Variants in RBFOX1 observed in about 807,000 individuals in gnomAD.
RBFOX1 encodes the protein RNA binding protein fox-1 homolog 1.
RBFOX1 carries 8 observed loss-of-function variants against 57.7 expected under a neutral mutation model. The ratio of observed to expected loss-of-function variants is 0.14; its 90% CI spans 0.08 to 0.25. The LOEUF is 0.25. Among genes scored for constraint, RBFOX1 ranks in the 10% least tolerant of loss-of-function variants. The probability of loss-of-function intolerance (pLI) is 1.00; values close to 1 mark genes in which losing one functional copy is unlikely to be tolerated. For synonymous variants in RBFOX1, 326 were observed against 222.4 expected (o/e 1.47, Z -4.15); for missense variants, 611 against 548.5 (o/e 1.11, Z -1.14).
chr16:6,553,020 C>T (rs8044082), intron 2 of RBFOX1, among the ~76,000 whole-genome samples: 60,849 of 151,894 alleles, frequency 0.4, 12,599 homozygotes, highest in East Asian at 0.73. Context: ...TGAGGACTGG[C>T]TTTTATTATT....
At chr16:6,349,661 C>G (rs1212814611) in intron 2 of RBFOX1, among the ~76,000 whole-genome samples, 1 of 152,148 alleles carries the variant, frequency 6.6e-6, no homozygotes, top group Non-Finnish European at 1.5e-5. Context: ...ATCTTCATCT[C>G]TAGAGAGCAA....
In RBFOX1 at chr16:7,373,824, G is replaced by C. The variant is rs74010680; in HGVS notation, c.28-144323G>C. Among the ~76,000 whole-genome samples, 3 of 152,302 alleles carry C rather than the reference G, an allele frequency of 2.0e-5. No individual in the cohort carries two copies. In the East Asian group the frequency reaches 5.8e-4, roughly 29 times the overall value. ...TTCACAGAGCAACTTTTTTCAAGAA[G>C]ATGGACACATTCACGTTTTAAAGAT... On this transcript the variant is annotated intron_variant, in intron 4 of 15. Transcript: ENST00000550418.
intron 3 of RBFOX1, among the ~76,000 whole-genome samples, chr16:6,832,847 A>G (rs1172571659): frequency 6.6e-6 from 1 of 152,190 alleles, no homozygotes; most frequent in African/African-American, 2.4e-5. Flanking sequence ...AAGAATCCCA[A>G]CTACGTATCA....
intron 2 of RBFOX1, among the ~76,000 whole-genome samples, chr16:5,520,093 G>T (rs1443003972): frequency 6.6e-6 from 1 of 152,214 alleles, no homozygotes; most frequent in Admixed American, 6.5e-5. Flanking sequence ...ATCATTTAAA[G>T]AACGTGGGAG....
chr16:6,687,128 C>T (rs2059552362), intron 3 of RBFOX1, among the ~76,000 whole-genome samples: 1 of 152,176 alleles, frequency 6.6e-6, no homozygotes, highest in African/African-American at 2.4e-5. Context: ...ATTGTTATTA[C>T]TTGGGGCATC....
At chr16:7,303,332 C>T (rs556506145) in intron 4 of RBFOX1, among the ~76,000 whole-genome samples, 1 of 152,168 alleles carries the variant, frequency 6.6e-6, no homozygotes, top group African/African-American at 2.4e-5. Flanking sequence ...GCCCCCAGCC[C>T]CTAACGTCTC....
chr16:6,961,599 G>C (rs781337982), intron 3 of RBFOX1, among the ~76,000 whole-genome samples: 1 of 152,144 alleles, frequency 6.6e-6, no homozygotes, highest in Non-Finnish European at 1.5e-5. Flanking sequence ...TCTGAGGGCT[G>C]CTGATTGGCT....
intron 9 of RBFOX1, among the ~76,000 whole-genome samples, chr16:7,604,743 A>T (rs2095216533): frequency 6.6e-6 from 1 of 152,226 alleles, no homozygotes; most frequent in Non-Finnish European, 1.5e-5. Context: ...ATGAGAGATC[A>T]TTGGCAAATT....
chr16:7,445,925 C>G (rs1483988200), intron 4 of RBFOX1, among the ~76,000 whole-genome samples: 1 of 152,150 alleles, frequency 6.6e-6, no homozygotes, highest in African/African-American at 2.4e-5. Flanking sequence ...AGCTGTGAAG[C>G]TTCGCTTTCC....
At chr16:6,155,424 C>T (rs899435693) in intron 1 of RBFOX1, among the ~76,000 whole-genome samples, 3 of 152,154 alleles carry the variant, frequency 2.0e-5, no homozygotes, top group Non-Finnish European at 4.4e-5. Context: ...AAGTAGAGAC[C>T]TCAAGATGTA....
At chr16:6,276,298 C>T (rs889280487) in intron 1 of RBFOX1, among the ~76,000 whole-genome samples, 2 of 152,156 alleles carry the variant, frequency 1.3e-5, no homozygotes, top group East Asian at 3.9e-4. Context: ...GTCCTCCCAG[C>T]TTGGGGCACA....
rs2067175957 is a variant in RBFOX1, at chr16:5,416,889, CCTATCTGATAGA to C, written c.220-50319_220-50308del. Among the ~76,000 whole-genome samples the C allele has an allele frequency of 2.0e-5, 3 of 152,252 alleles. No individual in the cohort carries two copies. In the South Asian group the frequency reaches 6.2e-4, roughly 32 times the overall value. On this transcript the variant is annotated intron_variant, in intron 1 of 2. Coordinates refer to the RBFOX1 transcript ENST00000585867. The stretch of plus-strand genomic sequence containing the variant: ...CTGCGGCATAACCCAGCCCATCCTG[CCTATCTGATAGA>C]CTATCTGCCCTCCTTCAGATGGAAA...
At chr16:5,454,891 T>C (rs199934035) in intron 1 of RBFOX1, among the ~76,000 whole-genome samples, 2 of 128,350 alleles carry the variant, frequency 1.6e-5, no homozygotes, top group Non-Finnish European at 3.3e-5. Context: ...TCTTTCTTTC[T>C]TTCTTTCTTT....
At chr16:5,757,872 C>G (rs1378760505) in intron 3 of RBFOX1, among the ~76,000 whole-genome samples, 1 of 152,098 alleles carries the variant, frequency 6.6e-6, no homozygotes, top group Non-Finnish European at 1.5e-5. Context: ...TCTCTTGGGT[C>G]TCAAGCAATG....
intron 4 of RBFOX1, among the ~76,000 whole-genome samples, chr16:7,509,746 T>C (rs1369911212): frequency 1.3e-5 from 2 of 152,144 alleles, no homozygotes; most frequent in African/African-American, 2.4e-5. Context: ...TCTCTATCTC[T>C]TTAAACTTTT....
intron 4 of RBFOX1, among the ~76,000 whole-genome samples, chr16:7,231,425 G>C (rs561250474): frequency 2.2e-4 from 33 of 152,246 alleles, no homozygotes; most frequent in Middle Eastern, 6.8e-3. Flanking sequence ...CAGCTCCTAA[G>C]AGCAAACAGT....
At chr16:5,249,300 C>A (rs951796583) in intron 1 of RBFOX1, among the ~76,000 whole-genome samples, 1 of 152,156 alleles carries the variant, frequency 6.6e-6, no homozygotes, top group African/African-American at 2.4e-5. Flanking sequence ...CCCCTTTCCT[C>A]CTGCCACCCC....
At chr16:6,160,652 T>A (rs2096871388) in intron 1 of RBFOX1, among the ~76,000 whole-genome samples, 1 of 152,310 alleles carries the variant, frequency 6.6e-6, no homozygotes, top group East Asian at 1.9e-4. Flanking sequence ...AATGGTTTTG[T>A]GAGAACAAAG....
intron 3 of RBFOX1, among the ~76,000 whole-genome samples, chr16:7,017,575 C>T (rs576038078): frequency 1.3e-5 from 2 of 152,166 alleles, no homozygotes; most frequent in Non-Finnish European, 2.9e-5. Flanking sequence ...TAGACGACTG[C>T]AAATTGTTGT....
Sources: allele counts gnomAD v4.1 joint callset (sites outside exome capture counted in the v4.1 genomes callset), GRCh38; gene constraint gnomAD v4.1.1; transcripts MANE v1.5; gene names NCBI Gene and HGNC (gene_info 2026-07-23, HGNC 2026-07-21).